CCM2: variants seen among roughly 807,000 people sequenced by gnomAD.
CCM2 encodes the protein cerebral cavernous malformations 2 protein.
Under a neutral mutation model 44.9 loss-of-function variants are expected in CCM2, and 25 were observed. The ratio of observed to expected loss-of-function variants is 0.56; its 90% confidence interval spans 0.41 to 0.78. The LOEUF is 0.78. CCM2 is among the 30% of genes least tolerant of loss of function. The pLI, the probability that CCM2 is intolerant of heterozygous loss-of-function variation, is 0.00. For missense variants in CCM2, 481 were observed against 580.6 expected, an observed-to-expected ratio of 0.83 and a Z score of 1.76; for synonymous variants, 219 against 241.1, an observed-to-expected ratio of 0.91 and a Z score of 0.85.
At chr7:45,039,116 G>A (rs1797360750) in intron 2 of CCM2, among the ~76,000 whole-genome samples, 1 of 152,140 alleles carries the variant, frequency 6.6e-6, no homozygotes, top group African/African-American at 2.4e-5. Flanking sequence ...GGGGCATGGG[G>A]CAGTTCGAAT....
At chr7:45,070,118 A>G (rs1460913405) in intron 6 of CCM2, 157 bp downstream of exon 6, 5 of 893,358 alleles carry the variant, frequency 5.6e-6, no homozygotes, top group Non-Finnish European at 5.1e-6. Context: ...ATTAGCCCAT[A>G]GGGTTTCATG....
At chr7:45,002,691 C>T (rs1795689877) in intron 1 of CCM2, among the ~76,000 whole-genome samples, 1 of 152,120 alleles carries the variant, frequency 6.6e-6, no homozygotes, top group East Asian at 1.9e-4. Context: ...TCTCAAGTCA[C>T]CTCAGCACAT....
intron 2 of CCM2, among the ~76,000 whole-genome samples, chr7:45,046,384 A>G (rs1797756647): frequency 6.6e-6 from 1 of 152,222 alleles, no homozygotes; most frequent in South Asian, 2.1e-4. Context: ...AGACTGTGGT[A>G]TCTGCAGAGG....
intron 4 of CCM2, 152 bp from the exon 5 acceptor site, chr7:45,068,269 ATTTAGAGAAGCGAAGTGTGTCT>A (rs1562911835): frequency 1.3e-6 from 1 of 770,908 alleles, no homozygotes; most frequent in Non-Finnish European, 2.2e-6. Flanking sequence ...TCCCACCCTT[ATTTAGAGAAGCGAAGTGTGTCT>A]GGTGCAGGCC....
chr7:45,023,776 G>C lies in CCM2; in HGVS notation c.31-14477G>C, dbSNP rs1274299536. 3.0e-5 allele frequency among the ~76,000 whole-genome samples: 3 copies of C among 98,738 alleles called. No homozygotes were observed. In the East Asian group the frequency reaches 7.9e-4, roughly 26 times the overall value. The allele number at this position is 98,738 out of a possible 152,430, so 64.8% of individuals were successfully genotyped here. On this transcript the variant is annotated intron_variant, in intron 1 of 9. Coordinates refer to ENST00000258781, the MANE Select transcript of CCM2 (RefSeq NM_031443.4). Reference sequence around the variant, plus strand: ...TCTTTGTTTAGTCATTATTTTGATAGCTCTGTATCAGTTTTTTTTTTTTTT... The same window carrying C: ...TCTTTGTTTAGTCATTATTTTGATACCTCTGTATCAGTTTTTTTTTTTTTT...
At chr7:45,045,263 C>CT (rs1797697412) in intron 2 of CCM2, among the ~76,000 whole-genome samples, 2 of 152,170 alleles carry the variant, frequency 1.3e-5, no homozygotes, top group African/African-American at 4.8e-5. Flanking sequence ...TCAGGCCCTG[C>CT]TATTGTGCAT....
chr7:45,062,603 G>A (rs1012361293), intron 2 of CCM2, among the ~76,000 whole-genome samples: 1 of 152,204 alleles, frequency 6.6e-6, no homozygotes, highest in Non-Finnish European at 1.5e-5. Context: ...GGGAAGCTGC[G>A]GTGAGCAGAT....
At chr7:45,014,327 GAC>G (rs1562860691) in intron 1 of CCM2, among the ~76,000 whole-genome samples, 1 of 152,036 alleles carries the variant, frequency 6.6e-6, no homozygotes, top group Non-Finnish European at 1.5e-5. Context: ...TTTTAGTAGA[GAC>G]AGGGTTTCAC....
chr7:45,011,754 G>A (rs534682462), intron 1 of CCM2, among the ~76,000 whole-genome samples: 21 of 152,282 alleles, frequency 1.4e-4, no homozygotes, highest in Non-Finnish European at 2.1e-4. Context: ...GTTTCAATAT[G>A]TTGGCCAGGA....
intron 6 of CCM2, 94 bp downstream of exon 6, chr7:45,070,055 C>T (rs868350880): frequency 1.5e-5 from 22 of 1,490,678 alleles, no homozygotes; most frequent in African/African-American, 8.3e-5. Flanking sequence ...CCTGGAATAG[C>T]GCAGTTACTG....
At chr7:45,024,320 A>T (rs945029584) in intron 1 of CCM2, among the ~76,000 whole-genome samples, 1 of 152,222 alleles carries the variant, frequency 6.6e-6, no homozygotes, top group Non-Finnish European at 1.5e-5. Context: ...GTGGAGTTTC[A>T]TCTCTGCATG....
intron 1 of CCM2, among the ~76,000 whole-genome samples, chr7:45,035,177 G>A (rs1244280239): frequency 6.6e-6 from 1 of 152,158 alleles, no homozygotes; most frequent in East Asian, 1.9e-4. Flanking sequence ...TCTTAGAGCG[G>A]ATCATCTTGT....
chr7:45,059,163 G>A (rs1798405518), intron 2 of CCM2, among the ~76,000 whole-genome samples: 1 of 152,150 alleles, frequency 6.6e-6, no homozygotes, highest in Admixed American at 6.6e-5. Flanking sequence ...TTATAGGCAT[G>A]AGTCACTGCC....
At chr7:45,011,918 T>G (rs1041327773) in intron 1 of CCM2, among the ~76,000 whole-genome samples, 3 of 151,720 alleles carry the variant, frequency 2.0e-5, no homozygotes. Flanking sequence ...CAGGGTGGTC[T>G]TGGACACCTG....
At chr7:45,035,429 G>A (rs1797169654) in intron 1 of CCM2, among the ~76,000 whole-genome samples, 1 of 152,116 alleles carries the variant, frequency 6.6e-6, no homozygotes, top group Non-Finnish European at 1.5e-5. Flanking sequence ...GATGTACTGA[G>A]CAGCAGAGAA....
intron 2 of CCM2, among the ~76,000 whole-genome samples, chr7:45,060,547 T>G (rs1318722866): frequency 2.0e-5 from 3 of 152,264 alleles, no homozygotes; most frequent in African/African-American, 4.8e-5. Context: ...TGTTCTTTTC[T>G]TTCTCTTGAT....
At chr7:45,042,525 C>G (rs1797561491) in intron 2 of CCM2, among the ~76,000 whole-genome samples, 1 of 151,964 alleles carries the variant, frequency 6.6e-6, no homozygotes, top group South Asian at 2.1e-4. Flanking sequence ...AACAAAAAAT[C>G]TTGAAAGTGG....
chr7:45,062,155 G>A (rs1176822606), intron 2 of CCM2, among the ~76,000 whole-genome samples: 2 of 152,218 alleles, frequency 1.3e-5, no homozygotes, highest in African/African-American at 4.8e-5. Context: ...CTTTCTTGTT[G>A]TGAGGATGGG....
intron 1 of CCM2, 59 bp downstream of exon 1, chr7:45,000,422 C>A: frequency 1.1e-5 from 2 of 179,728 alleles, no homozygotes; most frequent in South Asian, 2.9e-4. Flanking sequence ...GTTGAGGGGC[C>A]AGGGTGGGGT....
Sources: gnomAD v4.1 joint callset for allele counts (sites outside exome capture counted in the v4.1 genomes callset) on GRCh38, gnomAD v4.1.1 for gene constraint, MANE v1.5 for transcripts, NCBI Gene and HGNC (gene_info 2026-07-23, HGNC 2026-07-21) for gene names.